Variants in TRPS1 observed in about 807,000 individuals in gnomAD.
TRPS1 encodes the protein zinc finger transcription factor Trps1.
Under a neutral mutation model 101.2 loss-of-function variants are expected in TRPS1, and 6 were observed. The observed-to-expected ratio is 0.06, with a 90% CI of 0.03 to 0.12. The LOEUF is 0.12. Ranked by LOEUF, TRPS1 falls within the 10% of genes least tolerant of loss-of-function variation. The pLI, the probability that TRPS1 is intolerant of heterozygous loss-of-function variation, is 1.00. For synonymous variants in TRPS1, 578 were observed against 589.8 expected (o/e 0.98, Z 0.29); for missense variants, 1,363 against 1,567.0 (o/e 0.87, Z 2.20).
intron 1 of TRPS1, among the ~76,000 whole-genome samples, chr8:115,626,933 T>A (rs1586472077): frequency 6.6e-6 from 1 of 151,788 alleles, no homozygotes; most frequent in East Asian, 1.9e-4. Context: ...GGTAAGTAAG[T>A]AATAAATGTC....
At chr8:115,456,668 A>G (rs185219509) in intron 5 of TRPS1, among the ~76,000 whole-genome samples, 1 of 152,280 alleles carries the variant, frequency 6.6e-6, no homozygotes, top group Admixed American at 6.5e-5. Flanking sequence ...ATATTTATGT[A>G]CAAGCAAACC....
chr8:115,590,097 A>T (rs1586434145), intron 4 of TRPS1, among the ~76,000 whole-genome samples: 2 of 152,286 alleles, frequency 1.3e-5, no homozygotes, highest in South Asian at 4.2e-4. Context: ...AACCTGGGCG[A>T]CAGAGCGAGA....
At chr8:115,490,058 T>A (rs980360025) in intron 5 of TRPS1, among the ~76,000 whole-genome samples, 1 of 152,180 alleles carries the variant, frequency 6.6e-6, no homozygotes, top group Admixed American at 6.5e-5. Flanking sequence ...TGGTTATCTC[T>A]ACATTTTATT....
intron 5 of TRPS1, among the ~76,000 whole-genome samples, chr8:115,485,174 A>G (rs1354244509): frequency 6.6e-6 from 1 of 152,164 alleles, no homozygotes; most frequent in Admixed American, 6.6e-5. Context: ...GACGTGCATC[A>G]CCTGGCCTGA....
At chr8:115,583,206 T>A (rs1817489546) in intron 5 of TRPS1, among the ~76,000 whole-genome samples, 1 of 152,028 alleles carries the variant, frequency 6.6e-6, no homozygotes, top group African/African-American at 2.4e-5. Context: ...AACAATAAAA[T>A]TAATACAGTT....
intron 5 of TRPS1, among the ~76,000 whole-genome samples, chr8:115,438,310 G>A (rs3779877): frequency 0.26 from 39,340 of 152,092 alleles, 6,307 homozygotes; most frequent in Middle Eastern, 0.45. Context: ...ACCTGTAAAA[G>A]GCATAACTAG....
chr8:115,481,572 A>T (rs1188294514), intron 5 of TRPS1, among the ~76,000 whole-genome samples: 1 of 152,184 alleles, frequency 6.6e-6, no homozygotes, highest in Non-Finnish European at 1.5e-5. Flanking sequence ...GGGCATAAAA[A>T]CTATTATGAG....
chr8:115,423,712 A>G (rs1242838035), intron 5 of TRPS1, among the ~76,000 whole-genome samples: 2 of 152,208 alleles, frequency 1.3e-5, no homozygotes, highest in Non-Finnish European at 2.9e-5. Context: ...TAAGTTTCCA[A>G]TTTAAGTTTT....
At chr8:115,573,200 T>G (rs1034753914) in intron 5 of TRPS1, among the ~76,000 whole-genome samples, 6 of 152,268 alleles carry the variant, frequency 3.9e-5, no homozygotes, top group African/African-American at 1.4e-4. Context: ...ATGATCCAGT[T>G]TGATCCAGCC....
Position 115,587,508 on chromosome 8 carries a change from T to TTCC in TRPS1, c.2190_2192dup (p.Glu731dup). 2 of 1,614,154 alleles carry TTCC rather than the reference T, an allele frequency of 1.2e-6. No homozygotes were observed. The highest frequency in any genetic ancestry group is 1.7e-6 in the Non-Finnish European group (2 of 1,180,004). On this transcript the variant is annotated inframe_insertion, in exon 5 of 7. Coordinates refer to ENST00000395715, the MANE Select transcript of TRPS1 (RefSeq NM_014112.5). ...CGCCGTTGGCTGTAGTGATGTCCTG[T>TTCC]TCCTGGCAGTGAACAGTGTTGAAGT...
chr8:115,495,087 C>T (rs1815115506), intron 5 of TRPS1, among the ~76,000 whole-genome samples: 1 of 152,092 alleles, frequency 6.6e-6, no homozygotes, highest in South Asian at 2.1e-4. Context: ...TCCATCATTC[C>T]CTCTAGCCAT....
intron 5 of TRPS1, among the ~76,000 whole-genome samples, chr8:115,495,463 A>AT (rs1328833073): frequency 1.3e-5 from 2 of 148,234 alleles, no homozygotes; most frequent in Non-Finnish European, 3.0e-5. Context: ...GGAGGAAAAA[A>AT]ATATATATAT....
intron 3 of TRPS1, among the ~76,000 whole-genome samples, chr8:115,608,475 C>G (rs919212777): frequency 6.6e-6 from 1 of 152,104 alleles, no homozygotes; most frequent in South Asian, 2.1e-4. Flanking sequence ...AGATAAAACC[C>G]TTTATTTATT....
intron 5 of TRPS1, among the ~76,000 whole-genome samples, chr8:115,524,748 T>A (rs1815953312): frequency 6.6e-6 from 1 of 152,166 alleles, no homozygotes; most frequent in Non-Finnish European, 1.5e-5. Flanking sequence ...TAAAATGGCA[T>A]TAAAATGGAG....
rs190119961 is a variant in TRPS1 at position 115,438,620 on chromosome 8, T to C, written c.2701-20168A>G. Among the ~76,000 whole-genome samples the C allele has an allele frequency of 2.0e-5, 3 of 152,250 alleles. No individual in the cohort carries two copies. In the East Asian group the frequency reaches 5.8e-4, roughly 29 times the overall value. ...ATCAGAGAGCATAAACAACAAATGA[T>C]CTCTAATATCTCTTCTAGATCTAGG... On this transcript the variant is annotated intron_variant, in intron 5 of 6. Coordinates refer to ENST00000395715, the MANE Select transcript of TRPS1 (RefSeq NM_014112.5).
intron 1 of TRPS1, among the ~76,000 whole-genome samples, chr8:115,654,599 C>T (rs1318818879): frequency 6.6e-6 from 1 of 152,100 alleles, no homozygotes; most frequent in African/African-American, 2.4e-5. Flanking sequence ...AAAAATACTA[C>T]TCTCTATATA....
chr8:115,567,137 T>G (rs1186890007), intron 5 of TRPS1, among the ~76,000 whole-genome samples: 1 of 78,906 alleles, frequency 1.3e-5, no homozygotes, highest in East Asian at 5.9e-4. Flanking sequence ...CTCAGGTATA[T>G]CCAAGATATA....
intron 1 of TRPS1, among the ~76,000 whole-genome samples, chr8:115,647,470 T>C (rs1260488753): frequency 6.6e-6 from 1 of 152,174 alleles, no homozygotes; most frequent in Non-Finnish European, 1.5e-5. Flanking sequence ...ACAGTAGCCT[T>C]ATATACATAT....
rs1812824052 is a variant in TRPS1, at chr8:115,412,945, T to C, written c.*1078A>G. 6.6e-6 allele frequency: 1 copy of C among 152,582 alleles called. No individual in the cohort carries two copies. Among genetic ancestry groups the C allele is most frequent in the Non-Finnish European group, 1.5e-5 (1 of 68,016 alleles). The allele number at this position is 152,582 out of a possible 1,614,324, so 9.5% of individuals were successfully genotyped here. ...GGGATTGGCTGGTACATATACCAAC[T>C]GTCAGTCTGTGGTAACGTAACCTTA... On this transcript the variant is annotated 3_prime_UTR_variant, in exon 7 of 7. Transcript: ENST00000395715.
Sources: gnomAD v4.1 joint callset for allele counts (sites outside exome capture counted in the v4.1 genomes callset) on GRCh38, gnomAD v4.1.1 for gene constraint, MANE v1.5 for transcripts, NCBI Gene and HGNC (gene_info 2026-07-23, HGNC 2026-07-21) for gene names.